Variants in ABLIM2 observed in about 807,000 individuals in gnomAD.
The protein encoded by ABLIM2 is actin binding LIM protein family member 2.
ABLIM2 carries 53 observed loss-of-function variants against 97.7 expected under a neutral mutation model. That is an observed-to-expected ratio of 0.54 (90% CI 0.44 to 0.68). ABLIM2 has a LOEUF of 0.68. Ranked by LOEUF, ABLIM2 falls within the 30% of genes least tolerant of loss-of-function variation. ABLIM2 has a pLI of 0.00. For missense variants in ABLIM2, 835 were observed against 867.2 expected (o/e 0.96, Z 0.47); for synonymous variants, 361 against 345.8 (o/e 1.04, Z -0.49).
intron 1 of ABLIM2, among the ~76,000 whole-genome samples, chr4:8,154,208 C>T (rs1462154765): frequency 9.3e-5 from 14 of 151,034 alleles, no homozygotes; most frequent in African/African-American, 1.7e-4. Flanking sequence ...GTGATCCACC[C>T]GCCTCGGCCT....
chr4:8,129,995 A>G (rs1470727470), intron 1 of ABLIM2, among the ~76,000 whole-genome samples: 1 of 152,202 alleles, frequency 6.6e-6, no homozygotes, highest in African/African-American at 2.4e-5. Flanking sequence ...TAGTCAGCAC[A>G]GCTGGTGCCC....
intron 1 of ABLIM2, among the ~76,000 whole-genome samples, chr4:8,119,445 A>G (rs1207590185): frequency 6.9e-6 from 1 of 144,924 alleles, no homozygotes; most frequent in Non-Finnish European, 1.5e-5. Flanking sequence ...TGCCTCCCTT[A>G]GCCTCCTGAG....
Position 8,061,800 on chromosome 4 carries a change from G to C in ABLIM2, c.676-746C>G, listed in dbSNP as rs114387788. 0.017 allele frequency among the ~76,000 whole-genome samples: 2,564 copies of C among 152,240 alleles called. 71 individuals are homozygous for C. Among genetic ancestry groups the C allele is most frequent in the African/African-American group, 0.058 (2,405 of 41,542 alleles). On this transcript the variant is annotated intron_variant, in intron 6 of 20. Coordinates refer to ENST00000447017, the MANE Select transcript of ABLIM2 (RefSeq NM_001130083.2). The surrounding 1 kb of genome is among the most constrained non-coding windows in gnomAD (Gnocchi z 4.5). ...TCATTCTTTCCTAAAACGGGAAGAA[G>C]TTTCCTAATCCCTACCTACATCTGA...
rs1036665229 is a variant in ABLIM2 at position 8,069,949 on chromosome 4, GTT to G, written c.675+7677_675+7678del. On this transcript the variant is annotated intron_variant, in intron 6 of 20. Transcript: ENST00000447017. The surrounding 1 kb of genome is among the most constrained non-coding windows in gnomAD (Gnocchi z 4.2). ...CTGTGTGTTTATTTCCATGTGTGTT[GTT>G]TGTGTGCCTAAGCGTGCTGTCTGCA... Among the ~76,000 whole-genome samples the G allele has an allele frequency of 3.9e-5, 6 of 152,042 alleles. No homozygotes were observed. Among genetic ancestry groups the G allele is most frequent in the African/African-American group, 1.4e-4 (6 of 41,388 alleles).
chr4:8,083,793 C>T lies in ABLIM2; in HGVS notation c.455-2991G>A, dbSNP rs1015002917. The stretch of plus-strand genomic sequence containing the variant: ...AGGACCCCCCAATGTCAGCTGGCCA[C>T]GTGCCCGTACATCCTGGTTGGCACT... On this transcript the variant is annotated intron_variant, in intron 4 of 20. Coordinates refer to ENST00000447017, the MANE Select transcript of ABLIM2 (RefSeq NM_001130083.2). The surrounding 1 kb of genome is among the most constrained non-coding windows in gnomAD (Gnocchi z 4.6). 5.3e-5 allele frequency among the ~76,000 whole-genome samples: 8 copies of T among 152,342 alleles called. No homozygotes were observed. Among genetic ancestry groups the T allele is most frequent in the South Asian group, 2.1e-4 (1 of 4,828 alleles).
chr4:8,025,917 C>A (rs994596622), intron 12 of ABLIM2, among the ~76,000 whole-genome samples: 13 of 152,366 alleles, frequency 8.5e-5, no homozygotes, highest in Non-Finnish European at 1.8e-4. Context: ...TCAGGACCGC[C>A]CCCTGCCACA....
intron 2 of ABLIM2, among the ~76,000 whole-genome samples, chr4:8,105,937 ATTTT>A (rs35475311): frequency 6.6e-6 from 1 of 150,400 alleles, no homozygotes; most frequent in African/African-American, 2.4e-5. Context: ...GCCTCACGTG[ATTTT>A]TTTTTTGTTT....
At chr4:7,979,534 C>T (rs999839700) in intron 20 of ABLIM2, among the ~76,000 whole-genome samples, 9 of 152,250 alleles carry the variant, frequency 5.9e-5, no homozygotes, top group Non-Finnish European at 1.2e-4. Flanking sequence ...ATGTGACAGG[C>T]AGCTGTAACC....
rs1811907509 is a variant in ABLIM2, at chr4:8,071,376, G to A, written c.675+6252C>T. 6.6e-6 allele frequency among the ~76,000 whole-genome samples: 1 copy of A among 152,194 alleles called. No homozygotes were observed. The highest frequency in any genetic ancestry group is 2.4e-5 in the African/African-American group (1 of 41,448). ...ACACCCAGAGATGGGTGGGATGCAG[G>A]CCAACATGCATGAGGGTGCTGCACG... On this transcript the variant is annotated intron_variant, in intron 6 of 20. Transcript: ENST00000447017. This position sits in a 1 kb window ranked among gnomAD's most constrained non-coding sequence, Gnocchi z 6.2.
intron 1 of ABLIM2, among the ~76,000 whole-genome samples, chr4:8,142,801 A>G (rs1029542447): frequency 6.6e-6 from 1 of 152,140 alleles, no homozygotes; most frequent in African/African-American, 2.4e-5. Context: ...CCCTCTCTGG[A>G]CCCTGCCCTC....
At chr4:8,062,564 G>A (rs760661803) in intron 6 of ABLIM2, among the ~76,000 whole-genome samples, 9 of 151,474 alleles carry the variant, frequency 5.9e-5, no homozygotes, top group East Asian at 5.9e-4. Context: ...CTCAGCCTCC[G>A]AGTAGCTGGG....
At chr4:7,977,664 G>A (rs924115761) in intron 20 of ABLIM2, among the ~76,000 whole-genome samples, 7 of 152,088 alleles carry the variant, frequency 4.6e-5, no homozygotes, top group Non-Finnish European at 8.8e-5. Context: ...GGTGGTGGGT[G>A]CCTGTAGTCC....
In ABLIM2 at chr4:8,106,550, C is replaced by T. The variant is rs1437604446; in HGVS notation, c.98G>A (p.Gly33Asp). Reference sequence around the variant, plus strand: ...CTTGTCCTGCACCCGCAGCACCTCGCCCTTGCACACATTCCCACACGTGTT... The same window carrying T: ...CTTGTCCTGCACCCGCAGCACCTCGTCCTTGCACACATTCCCACACGTGTT... ...LCNTCGNVCK[G>D]EVLRVQDKYF... The change falls in exon 2 of 21, where the codon GGC becomes GAC. Residue 33 changes from glycine to aspartate, a missense_variant. Transcript: ENST00000447017. 1.9e-6 allele frequency: 3 copies of T among 1,607,240 alleles called. No individual in the cohort carries two copies. The highest frequency in any genetic ancestry group is 2.7e-5 in the African/African-American group (2 of 74,838).
At position 7,984,703 on chromosome 4, in the gene ABLIM2, C is replaced by A. The variant is rs1742084843; in HGVS notation, c.1735+136G>T. 4.3e-6 allele frequency: 4 copies of A among 919,780 alleles called. No homozygotes were observed. The East Asian group carries it at 8.3e-5, about 19-fold the overall frequency. The allele number at this position is 919,780 out of a possible 1,614,324, so 57.0% of individuals were successfully genotyped here. A position where few individuals can be genotyped will look rare whatever the true frequency, so the allele number is the denominator to read the frequency against. The stretch of plus-strand genomic sequence containing the variant: ...AGAGGCAGGGAAACCAGCACGCCCT[C>A]CCCCGAGGTGTCCCCGCCCGGCACT... On this transcript the variant is annotated intron_variant, in intron 18 of 20. Coordinates refer to ENST00000447017, the MANE Select transcript of ABLIM2 (RefSeq NM_001130083.2).
At position 8,067,935 on chromosome 4, in the gene ABLIM2, G is replaced by T. The variant is rs1809083366; in HGVS notation, c.676-6881C>A. The stretch of plus-strand genomic sequence containing the variant: ...AGCTGGAAGGTACCGGCATGGCACA[G>T]GTCACCCCCTCCCTACCCCATACTT... On this transcript the variant is annotated intron_variant, in intron 6 of 20. Coordinates refer to ENST00000447017, the MANE Select transcript of ABLIM2 (RefSeq NM_001130083.2). This position sits in a 1 kb window ranked among gnomAD's most constrained non-coding sequence, Gnocchi z 5.4. Among the ~76,000 whole-genome samples the T allele has an allele frequency of 6.6e-6, 1 of 152,196 alleles. No homozygotes were observed. Among genetic ancestry groups the T allele is most frequent in the Non-Finnish European group, 1.5e-5 (1 of 68,032 alleles).
At chr4:8,154,525 C>T (rs1714596255) in intron 1 of ABLIM2, among the ~76,000 whole-genome samples, 1 of 151,986 alleles carries the variant, frequency 6.6e-6, no homozygotes, top group Non-Finnish European at 1.5e-5. Flanking sequence ...TGTGATCCAC[C>T]CGCCTCGGCC....
Position 8,009,198 on chromosome 4 carries a change from A to G in ABLIM2, c.1424-96T>C. 4 of 1,482,532 alleles carry G rather than the reference A, an allele frequency of 2.7e-6. 1 individual carries two copies. In the South Asian group the frequency reaches 4.6e-5, roughly 17 times the overall value. 91.8% of individuals were successfully genotyped at this position (1,482,532 alleles called of 1,614,324 possible). A position where few individuals can be genotyped will look rare whatever the true frequency, so the allele number is the denominator to read the frequency against. On this transcript the variant is annotated intron_variant, in intron 14 of 20. Coordinates refer to ENST00000447017, the MANE Select transcript of ABLIM2 (RefSeq NM_001130083.2). ...TGTTACAGTTATGCTCAAAAATGAAAAATCAATCAAAGAGAAGGTCAGTAG... is the reference window on the plus strand; with the variant it reads ...TGTTACAGTTATGCTCAAAAATGAAGAATCAATCAAAGAGAAGGTCAGTAG...
At chr4:8,074,448 T>A (rs931501539) in intron 6 of ABLIM2, among the ~76,000 whole-genome samples, 1 of 152,040 alleles carries the variant, frequency 6.6e-6, no homozygotes. Flanking sequence ...CAAGACCCCA[T>A]CTCTAAAAAA....
rs199762433 is a variant in ABLIM2 at position 8,097,143 on chromosome 4, C to A, written c.294G>T (p.Leu98=). 468 of 1,611,390 alleles carry A rather than the reference C, an allele frequency of 2.9e-4. 2 individuals carry two copies. Among genetic ancestry groups the A allele is most frequent in the South Asian group, 9.4e-4 (85 of 90,484 alleles). Residue 98 remains leucine, a synonymous_variant, in exon 3 of 21, where the codon CTG becomes CTT. Coordinates refer to ENST00000447017, the MANE Select transcript of ABLIM2 (RefSeq NM_001130083.2). The stretch of plus-strand genomic sequence containing the variant: ...AGCAGTCGGGGTGGTAGGTCTTGCC[C>A]AGCGCCGACACCACCTCACCCTCAA... The part of the protein sequence containing the change: ...QFIEGEVVSA[L]GKTYHPDCFV...
Sources: allele counts gnomAD v4.1 joint callset (sites outside exome capture counted in the v4.1 genomes callset), GRCh38; gene constraint gnomAD v4.1.1; non-coding constraint Gnocchi (gnomAD v3.1); transcripts MANE v1.5; gene names NCBI Gene and HGNC (gene_info 2026-07-23, HGNC 2026-07-21).